ZFAND3: variants seen among roughly 807,000 people sequenced by gnomAD.
ZFAND3 encodes the protein zinc finger AN1-type containing 3.
ZFAND3 carries 10 observed loss-of-function variants against 29.6 expected under a neutral mutation model. The ratio of observed to expected loss-of-function variants is 0.34; its 90% CI spans 0.21 to 0.57. The LOEUF (loss-of-function observed/expected upper bound fraction) is 0.57. Ranked by LOEUF, ZFAND3 falls within the 20% of genes least tolerant of loss-of-function variation. The pLI, the probability that ZFAND3 is intolerant of heterozygous loss-of-function variation, is 0.86. For synonymous variants in ZFAND3, 128 were observed against 112.6 expected, an observed-to-expected ratio of 1.14 and a Z score of -0.87; for missense variants, 230 against 304.5, an observed-to-expected ratio of 0.76 and a Z score of 1.82.
In ZFAND3 at chr6:38,122,611, A is replaced by T. The variant is rs140697359; in HGVS notation, c.529+5872A>T. ...TTCCCTTATTCTTTGGCGTAACAGCATGTGTCCCTAAATTTCCCCAATCCT... is the reference window on the plus strand; with the variant it reads ...TTCCCTTATTCTTTGGCGTAACAGCTTGTGTCCCTAAATTTCCCCAATCCT... On this transcript the variant is annotated intron_variant, in intron 5 of 5. Coordinates refer to ENST00000287218, the MANE Select transcript of ZFAND3 (RefSeq NM_021943.3). Among the ~76,000 whole-genome samples, 770 of 152,256 alleles carry T rather than the reference A, an allele frequency of 5.1e-3. 4 individuals are homozygous for T. Among genetic ancestry groups the T allele is most frequent in the Non-Finnish European group, 7.7e-3 (524 of 68,026 alleles).
intron 2 of ZFAND3, among the ~76,000 whole-genome samples, chr6:37,996,562 T>C (rs72850884): frequency 0.066 from 10,034 of 152,218 alleles, 412 homozygotes; most frequent in Non-Finnish European, 0.095. Context: ...AATAGGTTTT[T>C]TTTGTTTTGT....
rs370813786 is a variant in ZFAND3, at chr6:37,883,068, A to G, written c.72-46891A>G. On this transcript the variant is annotated intron_variant, in intron 1 of 5. Coordinates refer to ENST00000287218, the MANE Select transcript of ZFAND3 (RefSeq NM_021943.3). Reference sequence around the variant, plus strand: ...ACCCCTTCTCTACAAAAAAATTTAAAAACAATTAGCTCGGTATAGAGTTGT... The same window carrying G: ...ACCCCTTCTCTACAAAAAAATTTAAGAACAATTAGCTCGGTATAGAGTTGT... 4.7e-4 allele frequency among the ~76,000 whole-genome samples: 71 copies of G among 152,250 alleles called. 1 individual carries two copies. The South Asian group carries it at 0.014, about 31-fold the overall frequency.
chr6:38,021,746 T>C (rs1007424975), intron 2 of ZFAND3, among the ~76,000 whole-genome samples: 5 of 152,326 alleles, frequency 3.3e-5, no homozygotes, highest in African/African-American at 9.6e-5. Flanking sequence ...GCTGCTGTTA[T>C]ATAACCTTAG....
chr6:37,999,886 A>G (rs1762914714), intron 2 of ZFAND3, among the ~76,000 whole-genome samples: 1 of 152,198 alleles, frequency 6.6e-6, no homozygotes, highest in Admixed American at 6.5e-5. Flanking sequence ...CAAATATACC[A>G]TACTAGTGTA....
At chr6:37,891,150 TGGAA>T (rs1765090461) in intron 1 of ZFAND3, among the ~76,000 whole-genome samples, 1 of 152,236 alleles carries the variant, frequency 6.6e-6, no homozygotes, top group Non-Finnish European at 1.5e-5. Context: ...TTCATATAAA[TGGAA>T]TCATACAATA....
intron 1 of ZFAND3, among the ~76,000 whole-genome samples, chr6:37,899,189 C>T (rs1765273768): frequency 6.6e-6 from 1 of 152,190 alleles, no homozygotes; most frequent in African/African-American, 2.4e-5. Flanking sequence ...CATGAGCCAC[C>T]ACACCTGGCC....
At position 38,138,679 on chromosome 6, in the gene ZFAND3, A is replaced by AGT. The variant is rs1765890228; in HGVS notation, c.530-13552_530-13551dup. On this transcript the variant is annotated intron_variant, in intron 5 of 5. Transcript: ENST00000287218. Reference sequence around the variant, plus strand: ...ATCTAACTAGACCTCTAATAAAGTCAGTGTGAGGAGTAAGGAAAAGAGAGG... The same window carrying AGT: ...ATCTAACTAGACCTCTAATAAAGTCAGTGTGTGAGGAGTAAGGAAAAGAGAGG... Among the ~76,000 whole-genome samples, 3 of 152,376 alleles carry AGT rather than the reference A, an allele frequency of 2.0e-5. No homozygotes were observed. In the South Asian group the frequency reaches 6.2e-4, roughly 32 times the overall value.
intron 2 of ZFAND3, among the ~76,000 whole-genome samples, chr6:38,061,192 C>T (rs542898294): frequency 9.2e-5 from 14 of 152,108 alleles, no homozygotes; most frequent in African/African-American, 3.1e-4. Context: ...TTATTTCTAC[C>T]ATCTTATTAT....
At chr6:37,977,904 T>TC in intron 2 of ZFAND3, among the ~76,000 whole-genome samples, 2 of 90,648 alleles carry the variant, frequency 2.2e-5, no homozygotes, top group African/African-American at 7.7e-5. Context: ...TCTCCTCTCC[T>TC]CTTCCTTTCT....
At chr6:38,037,551 T>C (rs960711385) in intron 2 of ZFAND3, among the ~76,000 whole-genome samples, 1 of 152,206 alleles carries the variant, frequency 6.6e-6, no homozygotes, top group East Asian at 1.9e-4. Flanking sequence ...AAGCATTTAA[T>C]TGATTGAAAA....
intron 5 of ZFAND3, among the ~76,000 whole-genome samples, chr6:38,117,256 CTTTT>C (rs35684874): frequency 1.0e-5 from 1 of 96,352 alleles, no homozygotes; most frequent in Non-Finnish European, 2.0e-5. Flanking sequence ...TTGAAATAGC[CTTTT>C]TTTTTTTTTT....
At position 38,083,967 on chromosome 6, in the gene ZFAND3, AAC is replaced by A. The variant is rs2127471540; in HGVS notation, c.361+1512_361+1513del. Among the ~76,000 whole-genome samples the A allele has an allele frequency of 2.0e-5, 3 of 152,292 alleles. No homozygotes were observed. The South Asian group carries it at 6.2e-4, about 32-fold the overall frequency. The stretch of plus-strand genomic sequence containing the variant: ...ATATACATGGTAATTTAATTTTCAG[AAC>A]AGTTCTTCAAGATAGTTATTATTTT... On this transcript the variant is annotated intron_variant, in intron 4 of 5. Coordinates refer to ENST00000287218, the MANE Select transcript of ZFAND3 (RefSeq NM_021943.3).
At chr6:38,142,750 C>T (rs2127495846) in intron 5 of ZFAND3, among the ~76,000 whole-genome samples, 2 of 152,240 alleles carry the variant, frequency 1.3e-5, no homozygotes, top group East Asian at 3.9e-4. Context: ...GGTTTTTGGA[C>T]CCTAAAGACT....
At chr6:38,092,866 A>G (rs1764901681) in intron 4 of ZFAND3, among the ~76,000 whole-genome samples, 1 of 152,156 alleles carries the variant, frequency 6.6e-6, no homozygotes. Flanking sequence ...TACTTCATGT[A>G]TTTGTCATTT....
At chr6:37,875,467 A>G (rs1001602632) in intron 1 of ZFAND3, among the ~76,000 whole-genome samples, 10 of 152,126 alleles carry the variant, frequency 6.6e-5, no homozygotes, top group African/African-American at 2.4e-4. Flanking sequence ...CTTAAAAGTA[A>G]ATGATTTTTT....
intron 2 of ZFAND3, among the ~76,000 whole-genome samples, chr6:37,981,891 A>C (rs1440554911): frequency 6.6e-6 from 1 of 152,188 alleles, no homozygotes; most frequent in Non-Finnish European, 1.5e-5. Flanking sequence ...AGGAGACATG[A>C]TACATCAGTC....
intron 2 of ZFAND3, among the ~76,000 whole-genome samples, chr6:37,967,575 TTTTCTATGTTTA>T (rs1350196660): frequency 6.6e-6 from 1 of 152,226 alleles, no homozygotes; most frequent in Non-Finnish European, 1.5e-5. Flanking sequence ...TTTACCTATA[TTTTCTATGTTTA>T]TTTCTATGTT....
intron 2 of ZFAND3, among the ~76,000 whole-genome samples, chr6:38,047,886 T>C (rs1166137318): frequency 6.6e-6 from 1 of 152,110 alleles, no homozygotes; most frequent in Non-Finnish European, 1.5e-5. Flanking sequence ...TCATTCGTTT[T>C]TGCAGGTAAA....
intron 2 of ZFAND3, among the ~76,000 whole-genome samples, chr6:37,937,452 C>T (rs760026408): frequency 4.6e-5 from 7 of 151,808 alleles, no homozygotes; most frequent in South Asian, 2.1e-4. Flanking sequence ...GTCAGGAGAT[C>T]GAGACCAACC....
Sources: gnomAD v4.1 joint callset for allele counts (sites outside exome capture counted in the v4.1 genomes callset) on GRCh38, gnomAD v4.1.1 for gene constraint, MANE v1.5 for transcripts, NCBI Gene and HGNC (gene_info 2026-07-23, HGNC 2026-07-21) for gene names.